STAP2: variants seen among roughly 807,000 people sequenced by gnomAD.
The protein encoded by STAP2 is signal-transducing adaptor protein 2.
In STAP2, 58 loss-of-function variants were observed where a neutral mutation model predicts 52.7. The observed-to-expected ratio is 1.10, with a 90% CI of 0.89 to 1.37. The LOEUF is 1.37. STAP2 is among the 40% of genes most tolerant of loss of function. The probability of loss-of-function intolerance (pLI) is 0.00; values close to 1 mark genes in which losing one functional copy is unlikely to be tolerated. For synonymous variants in STAP2, 231 were observed against 210.5 expected, an observed-to-expected ratio of 1.10 and a Z score of -0.84; for missense variants, 522 against 519.4, an observed-to-expected ratio of 1.00 and a Z score of -0.05.
intron 1 of STAP2, 48 bp from the exon 2 acceptor site, chr19:4,334,092 T>TACATGAAAGGCACTCA: frequency 1.3e-6 from 2 of 1,526,672 alleles, no homozygotes; most frequent in Non-Finnish European, 1.8e-6. Context: ...CCAAGCTGAG[T>TACATGAAAGGCACTCA]GCCTTTCATG....
intron 3 of STAP2, among the ~76,000 whole-genome samples, chr19:4,333,314 G>A (rs536978741): frequency 5.3e-5 from 8 of 152,198 alleles, no homozygotes; most frequent in African/African-American, 1.9e-4. Context: ...GGCCAACATG[G>A]TGAAACCCCA....
intron 9 of STAP2, among the ~76,000 whole-genome samples, chr19:4,326,308 T>C (rs1971791985): frequency 6.6e-6 from 1 of 152,228 alleles, no homozygotes; most frequent in African/African-American, 2.4e-5. Context: ...CCCGCACAAG[T>C]GTGTGTCACC....
At chr19:4,330,341 C>T (rs1474604324) in intron 4 of STAP2, among the ~76,000 whole-genome samples, 1 of 151,602 alleles carries the variant, frequency 6.6e-6, no homozygotes, top group East Asian at 1.9e-4. Context: ...GGCAACATGG[C>T]GAAACCCCGT....
At chr19:4,334,119 G>C in intron 1 of STAP2, 75 bp from the exon 2 acceptor site, 3 of 1,324,602 alleles carry the variant, frequency 2.3e-6, no homozygotes, top group Non-Finnish European at 3.1e-6. Flanking sequence ...ATCCTGTCTC[G>C]GGGCCTTTGC....
intron 3 of STAP2, among the ~76,000 whole-genome samples, chr19:4,332,311 G>T (rs984886797): frequency 7.1e-6 from 1 of 140,072 alleles, no homozygotes; most frequent in African/African-American, 2.6e-5. Flanking sequence ...AGGTTCAAGC[G>T]ATTCTCCTGC....
chr19:4,327,084 G>GTGA, intron 8 of STAP2, 40 bp downstream of exon 8: 1 of 1,612,082 alleles, frequency 6.2e-7, no homozygotes, highest in Non-Finnish European at 8.5e-7. Context: ...GGCGGGAGAG[G>GTGA]TGAGCACTGG....
chr19:4,338,564 C>CCGGGGGGG, intron 1 of STAP2, 88 bp downstream of exon 1: 1 of 857,372 alleles, frequency 1.2e-6, no homozygotes, highest in Non-Finnish European at 1.7e-6. Context: ...CCCGCCCCCC[C>CCGGGGGGG]TTGGCGAGTG....
At position 4,327,347 on chromosome 19, in the gene STAP2, C is replaced by T; in HGVS notation, c.629G>A (p.Gly210Asp). The change falls in exon 7 of 13, where the codon GGC becomes GAC. Residue 210 changes from glycine to aspartate, a missense_variant. By Grantham distance (94) the Gly-to-Asp change is moderately conservative (BLOSUM62 -1). Transcript: ENST00000594605. Reference protein sequence around the residue: ...VVRHYKVKREGPKYVIDVEQP... With the variant: ...VVRHYKVKREDPKYVIDVEQP... ...TTCCACATCGATCACGTACTTGGGG[C>T]CCTCCCGCTTCACCTTGTAATGCCG... is the stretch of plus-strand genomic sequence containing the variant. 1 of 1,614,130 alleles carries T rather than the reference C, an allele frequency of 6.2e-7. No homozygotes were observed. The highest frequency in any genetic ancestry group is 1.3e-5 in the African/African-American group (1 of 75,042).
chr19:4,328,936 C>T (rs1971843536), intron 5 of STAP2, 127 bp from the exon 6 acceptor site: 2 of 1,335,296 alleles, frequency 1.5e-6, no homozygotes, highest in South Asian at 1.5e-5. Context: ...CTGCCCTGCT[C>T]TCCAGACCCA....
At chr19:4,337,904 C>T (rs1972004969) in intron 1 of STAP2, among the ~76,000 whole-genome samples, 1 of 152,068 alleles carries the variant, frequency 6.6e-6, no homozygotes, top group Non-Finnish European at 1.5e-5. Flanking sequence ...CCTGTGGTCC[C>T]AGCTACTCAG....
Position 4,328,558 on chromosome 19 carries a change from C to T in STAP2, c.590+117G>A. 7 of 1,389,202 alleles carry T rather than the reference C, an allele frequency of 5.0e-6. 1 individual carries two copies. The highest frequency in any genetic ancestry group is 6.8e-6 in the Non-Finnish European group (7 of 1,027,734). The allele number at this position is 1,389,202 out of a possible 1,614,324, so 86.1% of individuals were successfully genotyped here. ...CAGACGCCCGTCTCGGCTCTGGCTC[C>T]GTCCCCTGGCCTACCCACTAGCGGG... On this transcript the variant is annotated intron_variant, in intron 6 of 12. Transcript: ENST00000594605.
rs1183990311 is a variant in STAP2 at position 4,326,932 on chromosome 19, G to A, written c.829+10C>T. The A allele has an allele frequency of 1.3e-6, 2 of 1,551,218 alleles. No individual in the cohort carries two copies. The highest frequency in any genetic ancestry group is 3.9e-5 in the Admixed American group (2 of 51,006). ...CCCTCCCACCTCGGCCCGCGGGAAG[G>A]GGGCGTCACCTGGGCCCGGAGCGGA... On this transcript the variant is annotated intron_variant, in intron 9 of 12. Transcript: ENST00000594605.
At chr19:4,325,361 A>G in intron 10 of STAP2, 35 bp downstream of exon 10, 1 of 1,614,070 alleles carries the variant, frequency 6.2e-7, no homozygotes, top group Non-Finnish European at 8.5e-7. Flanking sequence ...TGTTTCCCCA[A>G]CCCCCAGCTC....
Position 4,325,519 on chromosome 19 carries a change from T to TG in STAP2, c.855dup (p.Lys286GlnfsTer8), listed in dbSNP as rs748883205. The TG allele has an allele frequency of 6.2e-7, 1 of 1,604,282 alleles. No homozygotes were observed. Among genetic ancestry groups the TG allele is most frequent in the Non-Finnish European group, 8.5e-7 (1 of 1,175,476 alleles). ...TGGCTAGACGCAGGTGACAGCGGCT[T>TG]GGGGCCACCTGTGCAGGGTGCAGGA... is the stretch of plus-strand genomic sequence containing the variant. On this transcript the variant is annotated frameshift_variant, in exon 10 of 13. Transcript: ENST00000594605. LOFTEE classifies it high-confidence loss of function.
At position 4,328,794 on chromosome 19, in the gene STAP2, C is replaced by T. The variant is rs1384139339; in HGVS notation, c.471G>A (p.Val157=). 1 of 1,611,586 alleles carries T rather than the reference C, an allele frequency of 6.2e-7. No individual in the cohort carries two copies. The highest frequency in any genetic ancestry group is 1.7e-5 in the Admixed American group (1 of 59,914). The part of the protein sequence containing the change: ...ALETPSCFLK[V]SRLEAQLLLE... The stretch of plus-strand genomic sequence containing the variant: ...GGAGCAGTTGTGCCTCCAGCCGGCT[C>T]ACCTTCAGGAAGCACCTGTGGCGGG... The change falls in exon 6 of 13, where the codon GTG becomes GTA. Residue 157 remains valine (V), a synonymous_variant. Transcript: ENST00000594605.
chr19:4,325,164 G>A (rs1971768118), intron 11 of STAP2, 52 bp downstream of exon 11: 11 of 1,467,336 alleles, frequency 7.5e-6, no homozygotes, highest in Non-Finnish European at 6.5e-6. Context: ...TCAGATGAGG[G>A]CTGAGGCTGG....
At position 4,338,659 on chromosome 19, in the gene STAP2, C is replaced by T. The variant is rs751276903; in HGVS notation, c.95G>A (p.Cys32Tyr). 1.0e-5 allele frequency: 16 copies of T among 1,584,226 alleles called. No homozygotes were observed. Among genetic ancestry groups the T allele is most frequent in the Non-Finnish European group, 1.4e-5 (16 of 1,162,576 alleles). ...YESFLEKKGPCDRDYKKFWAG... is the reference protein window; with the variant it reads ...YESFLEKKGPYDRDYKKFWAG... Reference sequence around the variant, plus strand: ...CCCGCCTCCCCACCTTACCCGGTCACAGGGCCCCTTCTTCTCTAGAAAGCT... The same window carrying T: ...CCCGCCTCCCCACCTTACCCGGTCATAGGGCCCCTTCTTCTCTAGAAAGCT... The change falls in exon 1 of 13, where the codon TGT (cysteine) becomes TAT (tyrosine). Residue 32 changes from cysteine (C) to tyrosine (Y), a missense_variant. Transcript: ENST00000594605.
intron 3 of STAP2, 147 bp downstream of exon 3, chr19:4,333,547 T>C: frequency 1.0e-6 from 1 of 987,706 alleles, no homozygotes; most frequent in Non-Finnish European, 1.4e-6. Context: ...AGCACCCAGC[T>C]CCTTTGGGGT....
intron 3 of STAP2, among the ~76,000 whole-genome samples, chr19:4,333,369 G>A (rs752038954): frequency 3.3e-5 from 5 of 151,570 alleles, no homozygotes; most frequent in African/African-American, 4.9e-5. Context: ...GGTTGCGTGC[G>A]CCTGTAATCC....
Sources: gnomAD v4.1 joint callset for allele counts (sites outside exome capture counted in the v4.1 genomes callset) on GRCh38, gnomAD v4.1.1 for gene constraint, MANE v1.5 for transcripts, NCBI Gene and HGNC (gene_info 2026-07-23, HGNC 2026-07-21) for gene names.